CADM2: variants seen among roughly 807,000 people sequenced by gnomAD.
The protein encoded by CADM2 is cell adhesion molecule 2.
In CADM2, 12 loss-of-function variants were observed where a neutral mutation model predicts 49.8. That is an observed-to-expected ratio of 0.24 (90% CI 0.15 to 0.39). The LOEUF (loss-of-function observed/expected upper bound fraction) is 0.39, where lower values mean the gene tolerates loss of function less well. Among genes scored for constraint, CADM2 ranks in the 10% least tolerant of loss-of-function variants. The probability of loss-of-function intolerance (pLI) is 1.00; values close to 1 mark genes in which losing one functional copy is unlikely to be tolerated. For synonymous variants in CADM2, 214 were observed against 175.4 expected (o/e 1.22, Z -1.74); for missense variants, 378 against 492.3 (o/e 0.77, Z 2.20).
At chr3:85,683,284 A>G (rs143241961) in intron 1 of CADM2, among the ~76,000 whole-genome samples, 5 of 152,236 alleles carry the variant, frequency 3.3e-5, no homozygotes, top group South Asian at 2.1e-4. Context: ...TAAAAGCTTC[A>G]AAGTTCCCTA....
intron 1 of CADM2, among the ~76,000 whole-genome samples, chr3:85,256,969 C>T (rs1008742775): frequency 6.6e-6 from 1 of 152,100 alleles, no homozygotes; most frequent in African/African-American, 2.4e-5. Flanking sequence ...ATAGAGGTTT[C>T]ATCATATGCT....
At chr3:85,366,504 G>A (rs192010846) in intron 1 of CADM2, among the ~76,000 whole-genome samples, 8 of 152,216 alleles carry the variant, frequency 5.3e-5, no homozygotes, top group Non-Finnish European at 2.9e-5. Context: ...CTTGTTATTT[G>A]TGGTAATTTT....
At chr3:85,086,039 T>A (rs919608555) in intron 1 of CADM2, among the ~76,000 whole-genome samples, 2 of 152,144 alleles carry the variant, frequency 1.3e-5, no homozygotes, top group African/African-American at 4.8e-5. Context: ...GACAAAAACT[T>A]TTTTTATTTC....
intron 3 of CADM2, among the ~76,000 whole-genome samples, chr3:85,844,739 T>C (rs914939485): frequency 6.6e-6 from 1 of 152,182 alleles, no homozygotes; most frequent in Admixed American, 6.5e-5. Context: ...TACACACATG[T>C]ATACCATATG....
At chr3:85,578,964 G>T (rs567753317) in intron 1 of CADM2, among the ~76,000 whole-genome samples, 17 of 152,292 alleles carry the variant, frequency 1.1e-4, no homozygotes, top group Admixed American at 2.0e-4. Flanking sequence ...CAGCCACGGT[G>T]TTGCAAGTAT....
At chr3:85,444,433 T>C (rs1384592595) in intron 1 of CADM2, among the ~76,000 whole-genome samples, 8 of 123,154 alleles carry the variant, frequency 6.5e-5, no homozygotes, top group Non-Finnish European at 1.8e-5. Flanking sequence ...TCTTGTCTTT[T>C]CCTACACACT....
At chr3:85,530,432 G>T (rs1362930686) in intron 1 of CADM2, among the ~76,000 whole-genome samples, 1 of 96,504 alleles carries the variant, frequency 1.0e-5, no homozygotes, top group East Asian at 8.2e-4. Context: ...CCGGGTTCAC[G>T]CCATTCTCCT....
intron 1 of CADM2, among the ~76,000 whole-genome samples, chr3:85,495,158 C>T (rs1324965481): frequency 6.6e-6 from 1 of 152,054 alleles, no homozygotes; most frequent in Non-Finnish European, 1.5e-5. Flanking sequence ...CAACAAATAG[C>T]CTGCAAGTAG....
At chr3:85,767,877 C>T (rs145820754) in intron 2 of CADM2, among the ~76,000 whole-genome samples, 3 of 152,072 alleles carry the variant, frequency 2.0e-5, no homozygotes, top group East Asian at 1.9e-4. Context: ...TGATTGAAAC[C>T]GACTGTAATT....
chr3:85,025,990 C>A (rs890017220), intron 1 of CADM2, among the ~76,000 whole-genome samples: 3 of 152,070 alleles, frequency 2.0e-5, no homozygotes, highest in Admixed American at 6.5e-5. Flanking sequence ...CCGCACTTTG[C>A]CAACACATTC....
At chr3:85,513,598 T>C (rs2060825909) in intron 1 of CADM2, among the ~76,000 whole-genome samples, 1 of 151,966 alleles carries the variant, frequency 6.6e-6, no homozygotes, top group South Asian at 2.1e-4. Context: ...TTTATCATAT[T>C]ATAAATCAGC....
chr3:85,161,135 A>C (rs1399576044), intron 1 of CADM2, among the ~76,000 whole-genome samples: 1 of 152,224 alleles, frequency 6.6e-6, no homozygotes, highest in Non-Finnish European at 1.5e-5. Context: ...GCTTTAGCTA[A>C]AAGAGAAGAC....
At chr3:85,467,516 A>G (rs1046604425) in intron 1 of CADM2, among the ~76,000 whole-genome samples, 21 of 152,160 alleles carry the variant, frequency 1.4e-4, no homozygotes, top group African/African-American at 4.8e-4. Flanking sequence ...AATGACCAGA[A>G]AATGTGATGT....
intron 1 of CADM2, among the ~76,000 whole-genome samples, chr3:85,293,279 A>T (rs2043854978): frequency 6.6e-6 from 1 of 151,986 alleles, no homozygotes; most frequent in South Asian, 2.1e-4. Flanking sequence ...CAGGATCTGA[A>T]ATTGTGGCAA....
At chr3:85,178,197 A>G (rs555566013) in intron 1 of CADM2, among the ~76,000 whole-genome samples, 12 of 151,900 alleles carry the variant, frequency 7.9e-5, no homozygotes, top group South Asian at 2.1e-4. Context: ...AAATATAGCA[A>G]TTTGGCTAAC....
chr3:85,689,822 A>T (rs2066328923), intron 1 of CADM2, among the ~76,000 whole-genome samples: 1 of 152,228 alleles, frequency 6.6e-6, no homozygotes, highest in African/African-American at 2.4e-5. Context: ...ATATGAAGAT[A>T]AATAAAATAC....
intron 8 of CADM2, chr3:86,013,797 T>A: frequency 6.3e-7 from 1 of 1,589,596 alleles, no homozygotes. Context: ...GAAGTGGGGA[T>A]TAAATATGAA....
chr3:85,398,280 G>A (rs1265617712), intron 1 of CADM2, among the ~76,000 whole-genome samples: 1 of 151,976 alleles, frequency 6.6e-6, no homozygotes, highest in East Asian at 1.9e-4. Context: ...CCTTGTGATA[G>A]TTTGCTGACA....
Position 85,961,550 on chromosome 3 carries a change from C to T in CADM2, c.873C>T (p.Asn291=). The T allele has an allele frequency of 1.9e-6, 3 of 1,610,830 alleles. No individual in the cohort carries two copies. Among genetic ancestry groups the T allele is most frequent in the African/African-American group, 1.3e-5 (1 of 74,926 alleles). The change falls in exon 8 of 10, where the codon AAC becomes AAT. Residue 291 remains asparagine (N), a synonymous_variant. Coordinates refer to ENST00000383699, the MANE Select transcript of CADM2 (RefSeq NM_001167675.2). ...TGGTTGTGAGTGGTAGGGAGCTAAA[C>T]ATTCTTTTCCTGAACAAAACGGATA... The part of the protein sequence containing the change: ...DRMVVSGREL[N]ILFLNKTDNG...
Sources: gnomAD v4.1 joint callset for allele counts (sites outside exome capture counted in the v4.1 genomes callset) on GRCh38, gnomAD v4.1.1 for gene constraint, MANE v1.5 for transcripts, NCBI Gene and HGNC (gene_info 2026-07-23, HGNC 2026-07-21) for gene names.